GABRB1: variants seen among roughly 807,000 people sequenced by gnomAD.
GABRB1 encodes the protein gamma-aminobutyric acid receptor subunit beta-1.
Under a neutral mutation model 51.6 loss-of-function variants are expected in GABRB1, and 17 were observed. The ratio of observed to expected loss-of-function variants is 0.33; its 90% CI spans 0.23 to 0.49. GABRB1 has a LOEUF of 0.49. Ranked by LOEUF, GABRB1 falls within the 20% of genes least tolerant of loss-of-function variation. The pLI is 0.99. For missense variants in GABRB1, 410 were observed against 600.6 expected, an observed-to-expected ratio of 0.68 and a Z score of 3.32; for synonymous variants, 247 against 218.9, an observed-to-expected ratio of 1.13 and a Z score of -1.14.
At chr4:47,156,133 T>C (rs1421666613) in intron 3 of GABRB1, among the ~76,000 whole-genome samples, 3 of 151,752 alleles carry the variant, frequency 2.0e-5, no homozygotes, top group Non-Finnish European at 4.4e-5. Context: ...TTTCAATTTT[T>C]TGAGGAACTT....
intron 1 of GABRB1, among the ~76,000 whole-genome samples, chr4:47,000,679 G>C (rs879624415): frequency 3.3e-5 from 5 of 152,190 alleles, no homozygotes; most frequent in Non-Finnish European, 5.9e-5. Flanking sequence ...TAGACAGGGG[G>C]AATTGGCTGG....
intron 4 of GABRB1, among the ~76,000 whole-genome samples, chr4:47,310,199 A>C (rs1462528175): frequency 6.6e-6 from 1 of 152,232 alleles, no homozygotes; most frequent in Non-Finnish European, 1.5e-5. Context: ...GATTTCTAAA[A>C]AAATGGCAAA....
chr4:47,369,952 G>A (rs140361775), intron 5 of GABRB1, among the ~76,000 whole-genome samples: 5 of 152,044 alleles, frequency 3.3e-5, no homozygotes, highest in African/African-American at 4.8e-5. Flanking sequence ...CCTTTTTACT[G>A]TATTTTGTAG....
At chr4:47,233,144 G>A (rs1168882917) in intron 4 of GABRB1, among the ~76,000 whole-genome samples, 1 of 152,076 alleles carries the variant, frequency 6.6e-6, no homozygotes, top group Non-Finnish European at 1.5e-5. Flanking sequence ...CCAAAGTGCT[G>A]GGATTACAGG....
intron 4 of GABRB1, among the ~76,000 whole-genome samples, chr4:47,178,764 G>A (rs1718809652): frequency 6.6e-6 from 1 of 152,028 alleles, no homozygotes; most frequent in Non-Finnish European, 1.5e-5. Context: ...CAAATGAGAT[G>A]CCAAGAACTT....
intron 5 of GABRB1, 114 bp from the exon 6 acceptor site, chr4:47,403,204 T>G: frequency 2.6e-6 from 3 of 1,139,148 alleles, no homozygotes; most frequent in Non-Finnish European, 3.8e-6. Flanking sequence ...CACCCTAGTT[T>G]AAAGCAATGC....
chr4:47,094,556 G>C (rs1201360015), intron 3 of GABRB1, among the ~76,000 whole-genome samples: 1 of 151,996 alleles, frequency 6.6e-6, no homozygotes, highest in Non-Finnish European at 1.5e-5. Flanking sequence ...AAGATTTACT[G>C]TTGAGAACAC....
At chr4:47,032,127 G>GA in intron 2 of GABRB1, 122 bp downstream of exon 2, 1 of 579,858 alleles carries the variant, frequency 1.7e-6, no homozygotes. Context: ...CTATACCCTG[G>GA]GCACACACAC....
At chr4:47,424,413 G>A (rs1443108662) in intron 8 of GABRB1, among the ~76,000 whole-genome samples, 1 of 152,164 alleles carries the variant, frequency 6.6e-6, no homozygotes, top group Non-Finnish European at 1.5e-5. Context: ...CTCATGATGG[G>A]AACACAATAA....
chr4:47,293,190 G>A (rs1407127306), intron 4 of GABRB1, among the ~76,000 whole-genome samples: 1 of 152,138 alleles, frequency 6.6e-6, no homozygotes, highest in Non-Finnish European at 1.5e-5. Context: ...CGCCCATGCT[G>A]GAGTGCAGTG....
intron 3 of GABRB1, among the ~76,000 whole-genome samples, chr4:47,142,191 C>G (rs1474979577): frequency 6.6e-6 from 1 of 151,738 alleles, no homozygotes; most frequent in African/African-American, 2.4e-5. Flanking sequence ...GAAAGGACAT[C>G]CAAATTCATA....
At chr4:47,362,986 C>A (rs981741672) in intron 5 of GABRB1, among the ~76,000 whole-genome samples, 2 of 151,570 alleles carry the variant, frequency 1.3e-5, no homozygotes, top group African/African-American at 4.8e-5. Flanking sequence ...GTACCTGAAG[C>A]ACCAGACTGA....
intron 3 of GABRB1, among the ~76,000 whole-genome samples, chr4:47,112,041 C>T (rs1715235387): frequency 6.6e-6 from 1 of 150,448 alleles, no homozygotes; most frequent in South Asian, 2.1e-4. Flanking sequence ...ACGATCTCGG[C>T]TCACTGCAAC....
In GABRB1 at chr4:47,188,180, G is replaced by A. The variant is rs529098292; in HGVS notation, c.461+26711G>A. Among the ~76,000 whole-genome samples, 249 of 152,034 alleles carry A rather than the reference G, an allele frequency of 1.6e-3. 6 individuals are homozygous for A. In the South Asian group the frequency reaches 0.046, roughly 28 times the overall value. On this transcript the variant is annotated intron_variant, in intron 4 of 8. Coordinates refer to ENST00000295454, the MANE Select transcript of GABRB1 (RefSeq NM_000812.4). Reference sequence around the variant, plus strand: ...TGGATGAAAGAATGAATTAGATAAAGGACTTAATAAATACGTATGGTACAA... The same window carrying A: ...TGGATGAAAGAATGAATTAGATAAAAGACTTAATAAATACGTATGGTACAA...
intron 3 of GABRB1, among the ~76,000 whole-genome samples, chr4:47,059,693 G>T (rs1299544848): frequency 6.6e-6 from 1 of 152,144 alleles, no homozygotes; most frequent in Non-Finnish European, 1.5e-5. Context: ...TTCTGCCTCT[G>T]GTGGTCAAAG....
chr4:47,231,783 C>T (rs530576243), intron 4 of GABRB1, among the ~76,000 whole-genome samples: 1 of 152,172 alleles, frequency 6.6e-6, no homozygotes, highest in South Asian at 2.1e-4. Flanking sequence ...ATTTATTTCC[C>T]GACACAGGCG....
At chr4:47,085,579 A>C (rs1181793260) in intron 3 of GABRB1, among the ~76,000 whole-genome samples, 3 of 152,364 alleles carry the variant, frequency 2.0e-5, no homozygotes, top group East Asian at 3.9e-4. Context: ...AAGTTCTAAA[A>C]AAAAAATCTC....
chr4:47,059,574 A>G lies in GABRB1; in HGVS notation c.240+27090A>G, dbSNP rs1413995631. 2.0e-5 allele frequency among the ~76,000 whole-genome samples: 3 copies of G among 152,332 alleles called. No individual in the cohort carries two copies. In the East Asian group the frequency reaches 5.8e-4, roughly 29 times the overall value. On this transcript the variant is annotated intron_variant, in intron 3 of 8. Transcript: ENST00000295454. ...ATATCTTGTACCTAAAGACTTTTTA[A>G]TATTTTTATGTAGTTGTAAAGATAT...
At chr4:47,217,686 AT>A (rs1218240731) in intron 4 of GABRB1, among the ~76,000 whole-genome samples, 3 of 150,884 alleles carry the variant, frequency 2.0e-5, no homozygotes, top group East Asian at 3.9e-4. Flanking sequence ...AATGTTTTTT[AT>A]TTTTTCTTTC....
Sources: allele counts gnomAD v4.1 joint callset (sites outside exome capture counted in the v4.1 genomes callset), GRCh38; gene constraint gnomAD v4.1.1; transcripts MANE v1.5; gene names NCBI Gene and HGNC (gene_info 2026-07-23, HGNC 2026-07-21).